Variants in BCL2L11 observed in about 807,000 individuals in gnomAD.
BCL2L11 encodes BCL2 like 11, also known as bcl-2-like protein 11.
A neutral mutation model predicts 20.6 loss-of-function variants in BCL2L11; 15 were observed. That is an observed-to-expected ratio of 0.73 (90% CI 0.49 to 1.12). BCL2L11 has a LOEUF of 1.12. BCL2L11 is among the 50% of genes most tolerant of loss of function. The pLI is 0.00. For missense variants in BCL2L11, 292 were observed against 260.9 expected (o/e 1.12, Z -0.82); for synonymous variants, 108 against 92.8 (o/e 1.16, Z -0.94).
chr2:111,125,837 T>A (rs924670137), intron 2 of BCL2L11, among the ~76,000 whole-genome samples: 1 of 152,214 alleles, frequency 6.6e-6, no homozygotes, highest in African/African-American at 2.4e-5. Flanking sequence ...TTACTACTGC[T>A]CGTGAACTCA....
At chr2:111,138,000 C>T (rs1456157809) in intron 2 of BCL2L11, among the ~76,000 whole-genome samples, 34 of 138,034 alleles carry the variant, frequency 2.5e-4, no homozygotes, top group Admixed American at 2.3e-3. Flanking sequence ...TTTTTTCTTT[C>T]TTTCTTTCTT....
At chr2:111,124,243 T>C (rs2071957496) in intron 2 of BCL2L11, 104 bp downstream of exon 2, 1 of 1,338,212 alleles carries the variant, frequency 7.5e-7, no homozygotes, top group African/African-American at 1.5e-5. Context: ...CGTAACTGAT[T>C]TATTCCATCT....
chr2:111,122,719 G>A lies in BCL2L11; in HGVS notation c.-13-1014G>A. 4.1e-6 allele frequency: 4 copies of A among 982,792 alleles called. No individual in the cohort carries two copies. In the South Asian group the frequency reaches 1.8e-4, roughly 45 times the overall value. 60.9% of individuals were successfully genotyped at this position (982,792 alleles called of 1,614,324 possible). A position where few individuals can be genotyped will look rare whatever the true frequency, so the allele number is the denominator to read the frequency against. ...GGCGCGGCGTGCGGAGCCCTCGGCT[G>A]CCCGGCGGAGCGCGGCGGCGGGCTG... On this transcript the variant is annotated intron_variant, in intron 1 of 3. Transcript: ENST00000393256.
At chr2:111,133,740 C>G (rs1391795253) in intron 2 of BCL2L11, among the ~76,000 whole-genome samples, 1 of 152,140 alleles carries the variant, frequency 6.6e-6, no homozygotes, top group African/African-American at 2.4e-5. Flanking sequence ...TCTTTCAGAT[C>G]TTACTGGTTG....
At chr2:111,151,459 T>TC (rs1415969922) in intron 3 of BCL2L11, among the ~76,000 whole-genome samples, 1 of 152,234 alleles carries the variant, frequency 6.6e-6, no homozygotes, top group Non-Finnish European at 1.5e-5. Context: ...TTTTAGCTCT[T>TC]TTTTTTCTGA....
intron 2 of BCL2L11, among the ~76,000 whole-genome samples, chr2:111,129,311 A>G (rs561067338): frequency 9.8e-4 from 150 of 152,308 alleles, no homozygotes; most frequent in South Asian, 1.9e-3. Flanking sequence ...TTTGACACCA[A>G]GAGAAATAAG....
intron 2 of BCL2L11, among the ~76,000 whole-genome samples, chr2:111,141,356 C>T (rs1357889472): frequency 1.3e-5 from 2 of 151,378 alleles, no homozygotes; most frequent in African/African-American, 2.4e-5. Context: ...GAGTTCATGT[C>T]CTTTGTAGGG....
At chr2:111,154,895 A>G (rs1181887509) in intron 3 of BCL2L11, among the ~76,000 whole-genome samples, 7 of 152,244 alleles carry the variant, frequency 4.6e-5, no homozygotes, top group Admixed American at 4.6e-4. Flanking sequence ...ATTCTTAATG[A>G]TTTGGCGGGA....
intron 2 of BCL2L11, among the ~76,000 whole-genome samples, chr2:111,133,405 C>T (rs771578625): frequency 3.9e-5 from 6 of 152,130 alleles, no homozygotes; most frequent in Non-Finnish European, 2.9e-5. Flanking sequence ...CTGCATCCCA[C>T]GTGTTTTGGT....
intron 2 of BCL2L11, among the ~76,000 whole-genome samples, chr2:111,129,491 T>C (rs1266642482): frequency 6.6e-6 from 1 of 152,250 alleles, no homozygotes; most frequent in African/African-American, 2.4e-5. Context: ...TAGGAAATAA[T>C]ACAAAGAAAT....
intron 3 of BCL2L11, among the ~76,000 whole-genome samples, chr2:111,163,668 A>G (rs1479640075): frequency 1.3e-5 from 2 of 152,060 alleles, no homozygotes; most frequent in East Asian, 3.9e-4. Context: ...CAGAGGCACA[A>G]TGGCGCATCA....
At chr2:111,151,043 T>TA (rs2077193465) in intron 3 of BCL2L11, among the ~76,000 whole-genome samples, 1 of 152,126 alleles carries the variant, frequency 6.6e-6, no homozygotes, top group African/African-American at 2.4e-5. Context: ...TAGCTGGGAT[T>TA]ACAGGCGCCT....
chr2:111,127,334 T>C (rs920136892), intron 2 of BCL2L11, among the ~76,000 whole-genome samples: 2 of 151,950 alleles, frequency 1.3e-5, no homozygotes, highest in Non-Finnish European at 2.9e-5. Context: ...GGAGGAATGC[T>C]CCCTAGTGTC....
chr2:111,134,043 T>C (rs1451512178), intron 2 of BCL2L11, among the ~76,000 whole-genome samples: 1 of 152,114 alleles, frequency 6.6e-6, no homozygotes, highest in Non-Finnish European at 1.5e-5. Context: ...ATCCTTTCAC[T>C]TTCCATCTGC....
intron 3 of BCL2L11, chr2:111,162,873 A>G (rs1355994050): frequency 6.6e-6 from 1 of 152,254 alleles, no homozygotes; most frequent in African/African-American, 2.4e-5. Context: ...TTATTCTCAC[A>G]CAGAGGCAGC....
chr2:111,152,021 C>T, intron 3 of BCL2L11: 2 of 796,184 alleles, frequency 2.5e-6, no homozygotes, highest in Non-Finnish European at 4.0e-6. Context: ...GTGGCTGTCT[C>T]TATTGACTAG....
At chr2:111,143,397 G>A (rs902887813) in intron 2 of BCL2L11, among the ~76,000 whole-genome samples, 2 of 152,162 alleles carry the variant, frequency 1.3e-5, no homozygotes, top group African/African-American at 4.8e-5. Flanking sequence ...CAAGGCACAT[G>A]GAAAGAACTG....
intron 3 of BCL2L11, among the ~76,000 whole-genome samples, chr2:111,160,601 A>G (rs17041892): frequency 0.035 from 5,286 of 152,272 alleles, 331 homozygotes; most frequent in African/African-American, 0.12. Context: ...CTCTTGATTT[A>G]GGCTATGGAG....
chr2:111,130,262 A>G, intron 2 of BCL2L11: 1 of 265,076 alleles, frequency 3.8e-6, no homozygotes, highest in Non-Finnish European at 7.6e-6. Flanking sequence ...GTACCACCAC[A>G]CCCAGCTAAT....
Sources: allele counts gnomAD v4.1 joint callset (sites outside exome capture counted in the v4.1 genomes callset), GRCh38; gene constraint gnomAD v4.1.1; transcripts MANE v1.5; gene names NCBI Gene and HGNC (gene_info 2026-07-23, HGNC 2026-07-21).